Variants in RBFOX1 observed in about 807,000 individuals in gnomAD.
RBFOX1 encodes the protein RNA binding protein fox-1 homolog 1.
In RBFOX1, 8 loss-of-function variants were observed where a neutral mutation model predicts 57.7. That is an observed-to-expected ratio of 0.14 (90% CI 0.08 to 0.25). The LOEUF is 0.25. Ranked by LOEUF, RBFOX1 falls within the 10% of genes least tolerant of loss-of-function variation. The probability of loss-of-function intolerance (pLI) is 1.00; values close to 1 mark genes in which losing one functional copy is unlikely to be tolerated. For missense variants in RBFOX1, 611 were observed against 548.5 expected (o/e 1.11, Z -1.14); for synonymous variants, 326 against 222.4 (o/e 1.47, Z -4.15).
At chr16:5,724,433 T>A (rs191263296) in intron 3 of RBFOX1, among the ~76,000 whole-genome samples, 24 of 152,190 alleles carry the variant, frequency 1.6e-4, no homozygotes, top group African/African-American at 4.6e-4. Flanking sequence ...TGAGTCTCTA[T>A]GTCTATGTCT....
At chr16:5,655,907 G>T (rs1055703121) in intron 3 of RBFOX1, among the ~76,000 whole-genome samples, 1 of 152,192 alleles carries the variant, frequency 6.6e-6, no homozygotes, top group South Asian at 2.1e-4. Flanking sequence ...TTGTAGATTA[G>T]GTAGATCTCC....
intron 1 of RBFOX1, among the ~76,000 whole-genome samples, chr16:5,289,566 C>T (rs1474855975): frequency 1.3e-5 from 2 of 152,212 alleles, no homozygotes; most frequent in East Asian, 1.9e-4. Flanking sequence ...CAATTACCTT[C>T]ACTTCTTTTG....
chr16:5,588,468 C>A (rs150307861), intron 2 of RBFOX1, among the ~76,000 whole-genome samples: 11 of 152,142 alleles, frequency 7.2e-5, no homozygotes, highest in Admixed American at 7.2e-4. Flanking sequence ...ATAGTAAATG[C>A]GCAATTAAGT....
chr16:6,883,069 T>C (rs539630175), intron 3 of RBFOX1, among the ~76,000 whole-genome samples: 2 of 152,298 alleles, frequency 1.3e-5, no homozygotes, highest in Admixed American at 1.3e-4. Flanking sequence ...CATAGATGGC[T>C]TCTCAAACCA....
At chr16:7,084,601 A>G (rs1378575593) in intron 4 of RBFOX1, among the ~76,000 whole-genome samples, 1 of 152,182 alleles carries the variant, frequency 6.6e-6, no homozygotes, top group Non-Finnish European at 1.5e-5. Flanking sequence ...TGTGAGAGGT[A>G]TAAAGGATTT....
At chr16:6,396,597 G>A (rs114572314) in intron 2 of RBFOX1, among the ~76,000 whole-genome samples, 4,223 of 152,286 alleles carry the variant, frequency 0.028, 178 homozygotes, top group African/African-American at 0.093. Context: ...TAAACAGGTA[G>A]AGGATGCAGA....
chr16:7,076,752 T>C (rs2058371319), intron 4 of RBFOX1, among the ~76,000 whole-genome samples: 1 of 152,206 alleles, frequency 6.6e-6, no homozygotes, highest in Non-Finnish European at 1.5e-5. Context: ...GTATGCATAA[T>C]ATGAAATGAC....
At chr16:6,523,241 C>T (rs2096533175) in intron 2 of RBFOX1, among the ~76,000 whole-genome samples, 1 of 151,702 alleles carries the variant, frequency 6.6e-6, no homozygotes, top group Non-Finnish European at 1.5e-5. Context: ...TGGGAAATAC[C>T]TGAGGAGGGA....
intron 3 of RBFOX1, among the ~76,000 whole-genome samples, chr16:5,769,383 A>G (rs1242294793): frequency 6.6e-6 from 1 of 151,796 alleles, no homozygotes; most frequent in Non-Finnish European, 1.5e-5. Flanking sequence ...GCTCGCACCT[A>G]TAATCCTAGC....
At chr16:6,310,314 G>A (rs955413031) in intron 1 of RBFOX1, among the ~76,000 whole-genome samples, 14 of 152,328 alleles carry the variant, frequency 9.2e-5, no homozygotes, top group East Asian at 3.9e-4. Context: ...CACTTACTAC[G>A]TGGCAGGTGC....
chr16:7,409,038 C>G (rs8050761), intron 4 of RBFOX1, among the ~76,000 whole-genome samples: 48,048 of 152,164 alleles, frequency 0.32, 9,143 homozygotes, highest in East Asian at 0.6. Flanking sequence ...TTCTTCATGT[C>G]TAAATGCACT....
chr16:7,444,346 C>T (rs545087665), intron 4 of RBFOX1, among the ~76,000 whole-genome samples: 6 of 152,178 alleles, frequency 3.9e-5, no homozygotes, highest in South Asian at 2.1e-4. Flanking sequence ...TATACCTATT[C>T]AGAAGTTAGT....
At chr16:6,692,612 C>A (rs2060360310) in intron 3 of RBFOX1, among the ~76,000 whole-genome samples, 1 of 147,242 alleles carries the variant, frequency 6.8e-6, no homozygotes, top group African/African-American at 2.5e-5. Context: ...CTCCTTCCAC[C>A]ATGCACTTTT....
intron 3 of RBFOX1, among the ~76,000 whole-genome samples, chr16:6,821,107 C>G (rs948767915): frequency 6.6e-6 from 1 of 152,162 alleles, no homozygotes; most frequent in African/African-American, 2.4e-5. Context: ...AGCCACTACA[C>G]CATTAAAAAA....
chr16:6,675,621 T>G (rs939139473), intron 3 of RBFOX1, among the ~76,000 whole-genome samples: 14 of 152,260 alleles, frequency 9.2e-5, no homozygotes, highest in African/African-American at 3.1e-4. Flanking sequence ...AGAGCTTTAA[T>G]AGACTCACAG....
chr16:6,713,921 G>C (rs750698138), intron 3 of RBFOX1, among the ~76,000 whole-genome samples: 1 of 152,158 alleles, frequency 6.6e-6, no homozygotes. Context: ...TCTCAGCTGG[G>C]TTCTGCCAGA....
intron 1 of RBFOX1, among the ~76,000 whole-genome samples, chr16:6,249,929 C>G (rs2097594819): frequency 6.6e-6 from 1 of 152,056 alleles, no homozygotes; most frequent in Non-Finnish European, 1.5e-5. Flanking sequence ...TCCCCACTCC[C>G]CCTACCCCAC....
chr16:6,915,457 A>C (rs1343872938), intron 3 of RBFOX1, among the ~76,000 whole-genome samples: 2 of 152,160 alleles, frequency 1.3e-5, no homozygotes, highest in Non-Finnish European at 1.5e-5. Flanking sequence ...AACTTTTCAA[A>C]AATTATTCCT....
intron 3 of RBFOX1, among the ~76,000 whole-genome samples, chr16:6,999,207 T>TTTA (rs1440980481): frequency 1.0e-5 from 1 of 95,912 alleles, no homozygotes; most frequent in Non-Finnish European, 2.0e-5. Context: ...TTATTTTTTA[T>TTTA]TTTTATTTAT....
Sources: gnomAD v4.1 joint callset for allele counts (sites outside exome capture counted in the v4.1 genomes callset) on GRCh38, gnomAD v4.1.1 for gene constraint, MANE v1.5 for transcripts, NCBI Gene and HGNC (gene_info 2026-07-23, HGNC 2026-07-21) for gene names.